Variants in HBS1L observed in about 807,000 individuals in gnomAD.
HBS1L encodes HBS1 like translational GTPase.
HBS1L carries 55 observed loss-of-function variants against 88.9 expected under a neutral mutation model. The observed-to-expected ratio is 0.62, with a 90% CI of 0.50 to 0.77. The LOEUF (loss-of-function observed/expected upper bound fraction) is 0.77, where lower values mean the gene tolerates loss of function less well. Among genes scored for constraint, HBS1L ranks in the 30% least tolerant of loss-of-function variants. The probability of loss-of-function intolerance (pLI) is 0.00; values close to 1 mark genes in which losing one functional copy is unlikely to be tolerated. For synonymous variants in HBS1L, 267 were observed against 288.5 expected, an observed-to-expected ratio of 0.93 and a Z score of 0.76; for missense variants, 741 against 829.3, an observed-to-expected ratio of 0.89 and a Z score of 1.31.
chr6:134,963,528 AC>A lies in HBS1L; in HGVS notation c.*1750del, dbSNP rs1241609063. ...CCTCCTGGGCTCAAGTGATCTTCCC[AC>A]CCCAGCCTCCTGAGAAGCTGGGACT... On this transcript the variant is annotated 3_prime_UTR_variant, in exon 18 of 18. Coordinates refer to ENST00000367837, the MANE Select transcript of HBS1L (RefSeq NM_006620.4). 6.6e-6 allele frequency: 1 copy of A among 152,142 alleles called. No homozygotes were observed. Among genetic ancestry groups the A allele is most frequent in the African/African-American group, 2.4e-5 (1 of 41,336 alleles). The allele number at this position is 152,142 out of a possible 1,614,324, so 9.4% of individuals were successfully genotyped here.
intron 12 of HBS1L, among the ~76,000 whole-genome samples, chr6:134,984,324 T>C (rs1367972952): frequency 6.6e-6 from 1 of 152,220 alleles, no homozygotes; most frequent in Non-Finnish European, 1.5e-5. Flanking sequence ...AAATGTATTA[T>C]GTGCCAGGCA....
chr6:135,053,258 TTC>T (rs1777144246), intron 1 of HBS1L, among the ~76,000 whole-genome samples: 1 of 152,186 alleles, frequency 6.6e-6, no homozygotes, highest in Non-Finnish European at 1.5e-5. Flanking sequence ...CCATAGCGTT[TTC>T]TCAGTACCTT....
At chr6:135,009,350 G>A (rs1397060411) in intron 4 of HBS1L, among the ~76,000 whole-genome samples, 1 of 152,160 alleles carries the variant, frequency 6.6e-6, no homozygotes, top group Non-Finnish European at 1.5e-5. Context: ...ATAAGCAAGA[G>A]AAATTCAAAA....
intron 16 of HBS1L, among the ~76,000 whole-genome samples, chr6:134,968,349 A>G (rs1019962234): frequency 2.0e-5 from 3 of 151,976 alleles, no homozygotes; most frequent in Non-Finnish European, 4.4e-5. Flanking sequence ...ACCGGGTTCA[A>G]GAGATTCTCC....
Position 134,963,705 on chromosome 6 carries a change from A to T in HBS1L, c.*1574T>A, listed in dbSNP as rs1175732914. ...CCAAAGTGTTTTGATTACAGGTGTG[A>T]GCCACCGCGCCCGGCCGAGAGTTCT... On this transcript the variant is annotated 3_prime_UTR_variant, in exon 18 of 18. Transcript: ENST00000367837. The T allele has an allele frequency of 1.3e-5, 2 of 152,282 alleles. No individual in the cohort carries two copies. Among genetic ancestry groups the T allele is most frequent in the Non-Finnish European group, 2.9e-5 (2 of 68,164 alleles). The allele number at this position is 152,282 out of a possible 1,614,324, so 9.4% of individuals were successfully genotyped here. A position where few individuals can be genotyped will look rare whatever the true frequency, so the allele number is the denominator to read the frequency against.
chr6:134,976,244 A>C (rs757421646), intron 15 of HBS1L, among the ~76,000 whole-genome samples: 21 of 152,194 alleles, frequency 1.4e-4, no homozygotes, highest in Non-Finnish European at 2.8e-4. Context: ...ATTATTAAAA[A>C]GTCAAAAAAC....
intron 16 of HBS1L, 84 bp downstream of exon 16, chr6:134,969,151 CACA>C: frequency 1.2e-6 from 1 of 852,324 alleles, no homozygotes; most frequent in East Asian, 2.5e-5. Context: ...TTTCACTTAC[CACA>C]AAGAGAAATA....
At chr6:134,978,639 A>T (rs1262210824) in intron 15 of HBS1L, 40 bp downstream of exon 15, 3 of 1,138,048 alleles carry the variant, frequency 2.6e-6, no homozygotes, top group Non-Finnish European at 3.9e-6. Flanking sequence ...GTTACTTTGA[A>T]TTTATAAAAA....
intron 9 of HBS1L, 99 bp from the exon 10 acceptor site, chr6:134,986,909 T>A (rs980678099): frequency 6.3e-5 from 27 of 426,948 alleles, no homozygotes; most frequent in Non-Finnish European, 9.6e-5. Context: ...ATATAAAATA[T>A]AAATATAAAA....
chr6:135,031,640 T>C (rs1776386765), intron 4 of HBS1L, among the ~76,000 whole-genome samples: 1 of 151,890 alleles, frequency 6.6e-6, no homozygotes, highest in Non-Finnish European at 1.5e-5. Flanking sequence ...CTTTGAAGGG[T>C]ATAATATGCC....
At chr6:134,981,840 G>GTA (rs1156491402) in intron 13 of HBS1L, among the ~76,000 whole-genome samples, 1 of 151,746 alleles carries the variant, frequency 6.6e-6, no homozygotes, top group Non-Finnish European at 1.5e-5. Flanking sequence ...ATATATGTGT[G>GTA]TATATATTAG....
chr6:134,969,462 T>A lies in HBS1L; in HGVS notation c.1798-124A>T, dbSNP rs1774419285. On this transcript the variant is annotated intron_variant, in intron 15 of 17. Transcript: ENST00000367837. The stretch of plus-strand genomic sequence containing the variant: ...GCTTGGAGTCTTTCAGGATCTCCAG[T>A]TGCTTCCTCTAAGTCCCACCACTCT... 6.1e-6 allele frequency: 4 copies of A among 659,980 alleles called. No individual in the cohort carries two copies. The South Asian group carries it at 7.3e-5, about 12-fold the overall frequency. The allele number at this position is 659,980 out of a possible 1,614,324, so 40.9% of individuals were successfully genotyped here.
intron 8 of HBS1L, among the ~76,000 whole-genome samples, chr6:134,993,126 G>A (rs927370559): frequency 6.6e-5 from 10 of 152,144 alleles, no homozygotes; most frequent in African/African-American, 1.7e-4. Context: ...TAGCCTAGGT[G>A]TATAAAAGAT....
intron 15 of HBS1L, among the ~76,000 whole-genome samples, chr6:134,971,370 A>G (rs1224853920): frequency 6.6e-6 from 1 of 152,228 alleles, no homozygotes; most frequent in East Asian, 1.9e-4. Flanking sequence ...GTAACAAACA[A>G]CTGAGGTAAA....
At chr6:135,026,165 AT>A (rs1270878420) in intron 4 of HBS1L, among the ~76,000 whole-genome samples, 13 of 152,348 alleles carry the variant, frequency 8.5e-5, no homozygotes, top group South Asian at 8.3e-4. Context: ...GTTTAAAAAA[AT>A]AATTGTTTAA....
intron 12 of HBS1L, chr6:134,983,557 G>A (rs1774893178): frequency 6.6e-6 from 1 of 152,152 alleles, no homozygotes; most frequent in African/African-American, 2.4e-5. Context: ...AAGTGTCTAT[G>A]AGACACACAC....
At chr6:134,984,466 C>T (rs1774922070) in intron 12 of HBS1L, among the ~76,000 whole-genome samples, 1 of 152,096 alleles carries the variant, frequency 6.6e-6, no homozygotes, top group Non-Finnish European at 1.5e-5. Context: ...ACAGAGGATA[C>T]AGAGAATACA....
intron 15 of HBS1L, among the ~76,000 whole-genome samples, chr6:134,972,662 G>A (rs1423241408): frequency 6.6e-6 from 1 of 152,264 alleles, no homozygotes; most frequent in African/African-American, 2.4e-5. Flanking sequence ...AGGCAGCCTA[G>A]AGAATAGGAG....
At chr6:134,998,556 T>C (rs770593954) in intron 5 of HBS1L, among the ~76,000 whole-genome samples, 2 of 152,368 alleles carry the variant, frequency 1.3e-5, no homozygotes, top group South Asian at 4.1e-4. Context: ...AAACCAATTA[T>C]ATCCAACTCT....
Sources: gnomAD v4.1 joint callset for allele counts (sites outside exome capture counted in the v4.1 genomes callset) on GRCh38, gnomAD v4.1.1 for gene constraint, MANE v1.5 for transcripts, NCBI Gene and HGNC (gene_info 2026-07-23, HGNC 2026-07-21) for gene names.